The following CRB1 variants were observed in gnomAD, a reference collection of about 807,000 sequenced individuals.
CRB1 encodes crumbs cell polarity complex component 1, also known as protein crumbs homolog 1.
A neutral mutation model predicts 120.0 loss-of-function variants in CRB1; 83 were observed. The observed-to-expected ratio is 0.69, with a 90% CI of 0.58 to 0.83. The LOEUF is 0.83. Among genes scored for constraint, CRB1 ranks in the 40% least tolerant of loss-of-function variants. The pLI, the probability that CRB1 is intolerant of heterozygous loss-of-function variation, is 0.00. For synonymous variants in CRB1, 625 were observed against 612.5 expected (o/e 1.02, Z -0.30); for missense variants, 1,699 against 1,687.6 (o/e 1.01, Z -0.12).
intron 11 of CRB1, among the ~76,000 whole-genome samples, chr1:197,472,353 C>T (rs972386089): frequency 2.0e-5 from 3 of 152,194 alleles, no homozygotes; most frequent in African/African-American, 7.2e-5. Context: ...TTTTTAACCG[C>T]AAACATACTT....
intron 1 of CRB1, among the ~76,000 whole-genome samples, chr1:197,285,204 A>C (rs902818710): frequency 2.6e-5 from 4 of 151,910 alleles, no homozygotes; most frequent in Non-Finnish European, 4.4e-5. Context: ...TGAAAAGAGA[A>C]GTTTGTCCAA....
chr1:197,385,707 G>A (rs1662179024), intron 5 of CRB1, among the ~76,000 whole-genome samples: 1 of 152,036 alleles, frequency 6.6e-6, no homozygotes, highest in South Asian at 2.1e-4. Flanking sequence ...GAGAGTTGGA[G>A]GAGACTACTC....
At position 197,414,107 on chromosome 1, in the gene CRB1, T is replaced by C. The variant is rs901895534; in HGVS notation, c.1172-6893T>C. 4 of 209,448 alleles carry C rather than the reference T, an allele frequency of 1.9e-5. No individual in the cohort carries two copies. The Admixed American group carries it at 2.1e-4, about 11-fold the overall frequency. The allele number at this position is 209,448 out of a possible 1,614,324, so 13.0% of individuals were successfully genotyped here. A position where few individuals can be genotyped will look rare whatever the true frequency, so the allele number is the denominator to read the frequency against. On this transcript the variant is annotated intron_variant, in intron 5 of 11. Transcript: ENST00000367400. ...TGCTATAACAGATATTACTATCAAATGAAAATTCAAACTTTTGAGAAAGGA... is the reference window on the plus strand; with the variant it reads ...TGCTATAACAGATATTACTATCAAACGAAAATTCAAACTTTTGAGAAAGGA...
chr1:197,369,574 T>C (rs1661263294), intron 5 of CRB1, among the ~76,000 whole-genome samples: 1 of 152,202 alleles, frequency 6.6e-6, no homozygotes, highest in Non-Finnish European at 1.5e-5. Context: ...AAACAATTAA[T>C]TTCTGAAGAA....
intron 1 of CRB1, among the ~76,000 whole-genome samples, chr1:197,291,529 CTCAAT>C (rs1656182799): frequency 6.6e-6 from 1 of 151,734 alleles, no homozygotes; most frequent in Non-Finnish European, 1.5e-5. Context: ...TGACTTTTAT[CTCAAT>C]TCAATAATCA....
chr1:197,233,998 C>G, the CRB1 span, among the ~76,000 whole-genome samples: 2 of 152,160 alleles, frequency 1.3e-5, no homozygotes. Context: ...CTCCCCTCCC[C>G]CAATACCTTG....
At chr1:197,431,886 C>T (rs1427441038) in intron 8 of CRB1, among the ~76,000 whole-genome samples, 1 of 152,130 alleles carries the variant, frequency 6.6e-6, no homozygotes, top group Non-Finnish European at 1.5e-5. Flanking sequence ...TTCACTTTTA[C>T]TACTCTCATA....
intron 11 of CRB1, among the ~76,000 whole-genome samples, chr1:197,459,136 G>C (rs1666412957): frequency 6.6e-6 from 1 of 152,114 alleles, no homozygotes; most frequent in Admixed American, 6.6e-5. Context: ...TCAGGAAATA[G>C]TAGGATATAG....
At position 197,434,977 on chromosome 1, in the gene CRB1, C is replaced by A; in HGVS notation, c.3114C>A (p.Thr1038=). Residue 1038 remains threonine, a synonymous_variant, in exon 9 of 12, where the codon ACC becomes ACA. Coordinates refer to ENST00000367400, the MANE Select transcript of CRB1 (RefSeq NM_201253.3). ...ATGATGGCACATGGCACGAAGTGAC[C>A]CTTTCCATGACAGACCCACTGTCCC... ...SVNDGTWHEV[T]LSMTDPLSQT... 1.2e-6 allele frequency: 2 copies of A among 1,613,886 alleles called. No individual in the cohort carries two copies. The highest frequency in any genetic ancestry group is 8.5e-7 in the Non-Finnish European group (1 of 1,179,882).
the CRB1 span, among the ~76,000 whole-genome samples, chr1:197,225,644 C>T: frequency 2.0e-5 from 3 of 152,206 alleles, no homozygotes; most frequent in Non-Finnish European, 4.4e-5. Flanking sequence ...GCTACACTTA[C>T]TCTTAATTAC....
chr1:197,267,860 G>C (rs189284187), upstream of CRB1, among the ~76,000 whole-genome samples: 18 of 152,238 alleles, frequency 1.2e-4, no homozygotes, highest in Admixed American at 4.6e-4. Flanking sequence ...AGTAGTTTAA[G>C]TTTTCTTCTG....
At chr1:197,449,613 G>T (rs952132974) in intron 11 of CRB1, among the ~76,000 whole-genome samples, 2 of 152,172 alleles carry the variant, frequency 1.3e-5, no homozygotes, top group African/African-American at 4.8e-5. Flanking sequence ...TGATCCGCCC[G>T]CCTCGGCCTC....
chr1:197,425,886 C>T (rs1664556792), intron 6 of CRB1, among the ~76,000 whole-genome samples: 1 of 151,902 alleles, frequency 6.6e-6, no homozygotes, highest in African/African-American at 2.4e-5. Flanking sequence ...TGGATGTATG[C>T]CCCCTCCAAA....
chr1:197,251,505 A>T, the CRB1 span, among the ~76,000 whole-genome samples: 4 of 152,224 alleles, frequency 2.6e-5, no homozygotes, highest in Non-Finnish European at 4.4e-5. Flanking sequence ...AGTTACAATG[A>T]TAGCATTAAA....
chr1:197,410,681 T>C (rs536026402), intron 5 of CRB1, among the ~76,000 whole-genome samples: 1 of 152,238 alleles, frequency 6.6e-6, no homozygotes, highest in African/African-American at 2.4e-5. Context: ...CAGCATATTT[T>C]CCACTTATAA....
At chr1:197,412,362 A>G (rs1362773549) in intron 5 of CRB1, among the ~76,000 whole-genome samples, 1 of 152,200 alleles carries the variant, frequency 6.6e-6, no homozygotes, top group Non-Finnish European at 1.5e-5. Context: ...CACAAAAATA[A>G]TTGTTTCATA....
intron 5 of CRB1, among the ~76,000 whole-genome samples, chr1:197,379,330 C>T (rs183937861): frequency 2.6e-4 from 40 of 151,452 alleles, no homozygotes; most frequent in Admixed American, 7.9e-4. Flanking sequence ...GATGGAGTCT[C>T]GCTTTGTCGC....
At chr1:197,404,441 CAAAAAAA>C (rs558125777) in intron 5 of CRB1, among the ~76,000 whole-genome samples, 9 of 58,722 alleles carry the variant, frequency 1.5e-4, no homozygotes, top group African/African-American at 3.5e-4. Flanking sequence ...GACTCCGTCT[CAAAAAAA>C]AAAAAAAAAA....
intron 1 of CRB1, among the ~76,000 whole-genome samples, chr1:197,320,935 G>T (rs1238935056): frequency 6.6e-6 from 1 of 152,174 alleles, no homozygotes; most frequent in Non-Finnish European, 1.5e-5. Context: ...CAGTTAAGCT[G>T]CCAATTCAAA....
Sources: allele counts gnomAD v4.1 joint callset (sites outside exome capture counted in the v4.1 genomes callset), GRCh38; gene constraint gnomAD v4.1.1; transcripts MANE v1.5; gene names NCBI Gene and HGNC (gene_info 2026-07-23, HGNC 2026-07-21).